The following KLC2 variants were observed in gnomAD, a reference collection of about 807,000 sequenced individuals.
KLC2 encodes the protein kinesin light chain 2, also known as KLC 2.
A neutral mutation model predicts 75.1 loss-of-function variants in KLC2; 35 were observed. That is an observed-to-expected ratio of 0.47 (90% CI 0.36 to 0.62). The LOEUF (loss-of-function observed/expected upper bound fraction) is 0.62. Ranked by LOEUF, KLC2 falls within the 20% of genes least tolerant of loss-of-function variation. The pLI, the probability that KLC2 is intolerant of heterozygous loss-of-function variation, is 0.00. For missense variants in KLC2, 611 were observed against 833.2 expected (o/e 0.73, Z 3.28); for synonymous variants, 314 against 336.7 (o/e 0.93, Z 0.74).
At chr11:66,261,118 A>C (rs919135813) in intron 2 of KLC2, 1 of 151,242 alleles carries the variant, frequency 6.6e-6, no homozygotes, top group Non-Finnish European at 1.5e-5. Context: ...CTAGGCAGGA[A>C]GGCAGGAAGA....
At chr11:66,262,650 T>C (rs1856515413) in intron 4 of KLC2, 164 bp from the exon 5 acceptor site, 1 of 607,290 alleles carries the variant, frequency 1.6e-6, no homozygotes, top group Non-Finnish European at 2.9e-6. Context: ...ACCCCCTCTT[T>C]CTATGGGGTA....
the KLC2 span, chr11:66,246,095 G>C: frequency 3.3e-5 from 5 of 152,528 alleles, no homozygotes; most frequent in East Asian, 9.6e-4. Flanking sequence ...TCTGAGCCTA[G>C]AAAATGAAAA....
Position 66,262,856 on chromosome 11 carries a change from G to A in KLC2, c.572G>A (p.Gly191Asp), listed in dbSNP as rs1284019733. The change falls in exon 5 of 16, where the codon GGC becomes GAC. Residue 191 changes from glycine to aspartate, a missense_variant. Gly to Asp is a moderately conservative substitution (Grantham distance 94). Transcript: ENST00000394067. Reference sequence around the variant, plus strand: ...GGGGATGTGTCTGGTCAGCATGGGGGCTACGAGATCCCGGCCCGGCTCCGC... The same window carrying A: ...GGGGATGTGTCTGGTCAGCATGGGGACTACGAGATCCCGGCCCGGCTCCGC... ...GGGDVSGQHG[G>D]YEIPARLRTL... The A allele has an allele frequency of 8.1e-6, 13 of 1,613,440 alleles. No homozygotes were observed. The highest frequency in any genetic ancestry group is 9.3e-6 in the Non-Finnish European group (11 of 1,179,924).
Position 66,267,837 on chromosome 11 carries a change from G to C in KLC2, c.*881G>C, listed in dbSNP as rs1856955190. The stretch of plus-strand genomic sequence containing the variant: ...TCTCATATTTTCAGATGTTGCTGTA[G>C]AAATAAAGACGGTTTAAATCTGAGC... On this transcript the variant is annotated 3_prime_UTR_variant, in exon 16 of 16. Transcript: ENST00000394067. 1.1e-5 allele frequency: 5 copies of C among 437,446 alleles called. No homozygotes were observed. In the East Asian group the frequency reaches 1.4e-4, roughly 12 times the overall value. The allele number at this position is 437,446 out of a possible 1,614,324, so 27.1% of individuals were successfully genotyped here. A position where few individuals can be genotyped will look rare whatever the true frequency, so the allele number is the denominator to read the frequency against.
intron 15 of KLC2, 161 bp downstream of exon 15, chr11:66,266,651 C>A: frequency 1.1e-6 from 1 of 884,492 alleles, no homozygotes; most frequent in Non-Finnish European, 1.9e-6. Flanking sequence ...GGGAACCCAG[C>A]CTCTCCTGGG....
chr11:66,267,860 A>G lies in KLC2; in HGVS notation c.*904A>G. On this transcript the variant is annotated 3_prime_UTR_variant, in exon 16 of 16. Transcript: ENST00000394067. ...TAGAAATAAAGACGGTTTAAATCTG[A>G]GCTGGGCTTGTTTTGAGACGGAGGT... 1 of 415,380 alleles carries G rather than the reference A, an allele frequency of 2.4e-6. No individual in the cohort carries two copies. The highest frequency in any genetic ancestry group is 4.2e-6 in the Non-Finnish European group (1 of 236,248). 25.7% of individuals were successfully genotyped at this position (415,380 alleles called of 1,614,324 possible). A position where few individuals can be genotyped will look rare whatever the true frequency, so the allele number is the denominator to read the frequency against.
the KLC2 span, among the ~76,000 whole-genome samples, chr11:66,245,841 C>T: frequency 1.4e-4 from 22 of 152,388 alleles, no homozygotes; most frequent in Non-Finnish European, 2.6e-4. Flanking sequence ...GAGATCGTGC[C>T]ACCGCACTCC....
chr11:66,263,241 G>A (rs1002798884), intron 5 of KLC2, among the ~76,000 whole-genome samples: 1 of 152,118 alleles, frequency 6.6e-6, no homozygotes, highest in Non-Finnish European at 1.5e-5. Context: ...GTCCTGGGGA[G>A]TCCACACAGC....
rs1384903503 is a variant in KLC2 at position 66,267,267 on chromosome 11, G to A, written c.*311G>A. ...TGGCCTCCCCAGACCCCAGAGCCAA[G>A]AACACTAAGCACTCGCCGGCCCTTC... On this transcript the variant is annotated 3_prime_UTR_variant, in exon 16 of 16. Transcript: ENST00000394067. 2.3e-6 allele frequency: 3 copies of A among 1,293,336 alleles called. No homozygotes were observed. 80.1% of individuals were successfully genotyped at this position (1,293,336 alleles called of 1,614,324 possible). A position where few individuals can be genotyped will look rare whatever the true frequency, so the allele number is the denominator to read the frequency against.
chr11:66,262,060 C>A, intron 3 of KLC2, 63 bp from the exon 4 acceptor site: 3 of 1,583,096 alleles, frequency 1.9e-6, no homozygotes, highest in Non-Finnish European at 2.6e-6. Flanking sequence ...TCCACCCCAG[C>A]CCATGGACAC....
intron 12 of KLC2, 22 bp downstream of exon 12, chr11:66,265,785 G>T (rs775730659): frequency 6.2e-7 from 1 of 1,610,648 alleles, no homozygotes; most frequent in Non-Finnish European, 8.5e-7. Flanking sequence ...TGCAGGAGGG[G>T]GTGGGCAGAC....
chr11:66,247,322 C>A, the KLC2 span, among the ~76,000 whole-genome samples: 5 of 152,322 alleles, frequency 3.3e-5, no homozygotes, highest in South Asian at 2.1e-4. Flanking sequence ...CTGAGCAGAT[C>A]GTGTTGGATT....
chr11:66,253,741 G>A (rs982638973), upstream of KLC2, among the ~76,000 whole-genome samples: 8 of 152,172 alleles, frequency 5.3e-5, no homozygotes, highest in Admixed American at 3.9e-4. Flanking sequence ...GAACACATGC[G>A]AGGCTAAGCG....
At position 66,257,712 on chromosome 11, in the gene KLC2, C is replaced by T. The variant is rs1590853474; in HGVS notation, c.-171C>T. ...ACGGGCCAAGAGAAGCGTGTTTCGC[C>T]CCCTCCGACGCCACCGAGGTAGCGG... is the stretch of plus-strand genomic sequence containing the variant. On this transcript the variant is annotated 5_prime_UTR_variant, in exon 1 of 16. Transcript: ENST00000394067. The T allele has an allele frequency of 6.6e-6, 1 of 152,238 alleles. No homozygotes were observed. The highest frequency in any genetic ancestry group is 1.5e-5 in the Non-Finnish European group (1 of 68,094). 9.4% of individuals were successfully genotyped at this position (152,238 alleles called of 1,614,324 possible).
the KLC2 span, among the ~76,000 whole-genome samples, chr11:66,249,543 G>A: frequency 6.6e-6 from 1 of 152,188 alleles, no homozygotes; most frequent in Admixed American, 6.5e-5. Flanking sequence ...GAGCCAGGCT[G>A]CTGCTGAGTG....
chr11:66,266,501 G>A lies in KLC2; in HGVS notation c.1785+11G>A. 1 of 1,613,890 alleles carries A rather than the reference G, an allele frequency of 6.2e-7. No homozygotes were observed. Among genetic ancestry groups the A allele is most frequent in the African/African-American group, 1.3e-5 (1 of 75,052 alleles). ...GAAGAGCCGACCCAGGTAGGGGCAG[G>A]CGGGTGTCTGGGCACTGGGCAGCTG... On this transcript the variant is annotated intron_variant, in intron 15 of 15. Transcript: ENST00000394067.
intron 1 of KLC2, chr11:66,258,241 G>T: frequency 4.3e-6 from 1 of 231,894 alleles, no homozygotes; most frequent in Non-Finnish European, 8.5e-6. Context: ...GATCGCCGGA[G>T]GGGCCAGGGT....
Position 66,258,774 on chromosome 11 carries a change from C to G in KLC2, c.180C>G (p.Leu60=), listed in dbSNP as rs1856188123. ...AEPGSQERCI[L]LRRSLEAIEL... ...CTGGCTCGCAGGAGCGCTGCATCCT[C>G]CTGCGTCGCTCCCTGGAAGCCATTG... is the stretch of plus-strand genomic sequence containing the variant. The change falls in exon 2 of 16, where the codon CTC becomes CTG. Residue 60 remains leucine (L), a synonymous_variant. Transcript: ENST00000394067. 6.2e-7 allele frequency: 1 copy of G among 1,613,274 alleles called. No individual in the cohort carries two copies.
At chr11:66,263,983 G>A (rs752145118) in intron 7 of KLC2, 31 bp downstream of exon 7, 2 of 1,612,534 alleles carry the variant, frequency 1.2e-6, no homozygotes, top group East Asian at 2.2e-5. Context: ...GCAGGCTGGG[G>A]GTCTGGGAGG....
Sources: gnomAD v4.1 joint callset for allele counts (sites outside exome capture counted in the v4.1 genomes callset) on GRCh38, gnomAD v4.1.1 for gene constraint, MANE v1.5 for transcripts, NCBI Gene and HGNC (gene_info 2026-07-23, HGNC 2026-07-21) for gene names.